The following LIM2 variants were observed in gnomAD, a reference collection of about 807,000 sequenced individuals.
LIM2 encodes lens fiber membrane intrinsic protein.
Under a neutral mutation model 19.0 loss-of-function variants are expected in LIM2, and 14 were observed. The ratio of observed to expected loss-of-function variants is 0.74; its 90% CI spans 0.49 to 1.15. The LOEUF is 1.15. Among genes scored for constraint, LIM2 ranks in the 50% most tolerant of loss-of-function variants. The pLI, the probability that LIM2 is intolerant of heterozygous loss-of-function variation, is 0.00. For missense variants in LIM2, 230 were observed against 243.5 expected (o/e 0.94, Z 0.37); for synonymous variants, 78 against 89.6 (o/e 0.87, Z 0.73).
intron 3 of LIM2, among the ~76,000 whole-genome samples, chr19:51,381,804 C>T (rs866369875): frequency 3.9e-5 from 6 of 152,202 alleles, no homozygotes; most frequent in South Asian, 2.1e-4. Flanking sequence ...CAGCTCACTG[C>T]AAGCTCCGCC....
intron 1 of LIM2, 58 bp downstream of exon 1, chr19:51,387,861 C>T (rs2123677645): frequency 4.3e-6 from 1 of 234,786 alleles, no homozygotes; most frequent in Non-Finnish European, 8.5e-6. Flanking sequence ...GGAGCTGGGA[C>T]CCTAGACTCC....
At chr19:51,387,093 C>T (rs562617264) in intron 2 of LIM2, 176 bp downstream of exon 2, 1 of 1,216,542 alleles carries the variant, frequency 8.2e-7, no homozygotes, top group East Asian at 2.5e-5. Flanking sequence ...GAAACTGCAG[C>T]TAGAAAACAA....
rs532929998 is a variant in LIM2, at chr19:51,383,306, A to G, written c.176-739T>C. ...TGCCTTGGCCTCCCAAAGTGCTGAG[A>G]TTACAGGTGTGAGCCACTGCGCCCA... On this transcript the variant is annotated intron_variant, in intron 2 of 4. Coordinates refer to ENST00000596399, the MANE Select transcript of LIM2 (RefSeq NM_001161748.2). 6.6e-5 allele frequency among the ~76,000 whole-genome samples: 10 copies of G among 152,236 alleles called. No homozygotes were observed. The East Asian group carries it at 1.9e-3, about 29-fold the overall frequency.
intron 2 of LIM2, 97 bp from the exon 3 acceptor site, chr19:51,382,664 C>T (rs1163405230): frequency 1.3e-6 from 2 of 1,517,878 alleles, no homozygotes; most frequent in Non-Finnish European, 1.8e-6. Flanking sequence ...CTTTCCATAT[C>T]CCTAACCCAG....
At chr19:51,387,104 C>A (rs1214402114) in intron 2 of LIM2, 165 bp downstream of exon 2, 1 of 1,320,926 alleles carries the variant, frequency 7.6e-7, no homozygotes, top group East Asian at 2.4e-5. Flanking sequence ...TAGAAAACAA[C>A]CCTGTAGTCC....
Position 51,380,517 on chromosome 19 carries a change from T to C in LIM2, c.448A>G (p.Thr150Ala), listed in dbSNP as rs769544139. 6.2e-7 allele frequency: 1 copy of C among 1,614,030 alleles called. No individual in the cohort carries two copies. The highest frequency in any genetic ancestry group is 1.3e-5 in the African/African-American group (1 of 74,992). ...TTGCCCCCAGTACCTGCGAAGAACG[T>C]CATGAGCACTGCCACCCAGCCCAGG... is the stretch of plus-strand genomic sequence containing the variant. ...YILGWVAVLM[T>A]FFAGIFYMCA... The change falls in exon 4 of 5, where the codon ACG becomes GCG. Residue 150 changes from threonine to alanine, a missense_variant. Thr to Ala is a moderately conservative substitution (Grantham distance 58). Coordinates refer to ENST00000596399, the MANE Select transcript of LIM2 (RefSeq NM_001161748.2).
In LIM2 at chr19:51,382,446, G is replaced by C; in HGVS notation, c.297C>G (p.Phe99Leu). The change falls in exon 3 of 5, where the codon TTC (phenylalanine) becomes TTG (leucine). Residue 99 changes from phenylalanine to leucine, a missense_variant. Phe to Leu is a conservative substitution (Grantham distance 22). Coordinates refer to ENST00000596399, the MANE Select transcript of LIM2 (RefSeq NM_001161748.2). ...QPTFSRISRPFSAGIMFFSST... is the reference protein window; with the variant it reads ...QPTFSRISRPLSAGIMFFSST... ...AGGAAAAAAACATGATGCCAGCAGA[G>C]AAGGGCCGGGAGATGCGGGAGAAGG... 6.2e-7 allele frequency: 1 copy of C among 1,614,002 alleles called. No homozygotes were observed. The highest frequency in any genetic ancestry group is 1.1e-5 in the South Asian group (1 of 91,072).
rs147551022 is a variant in LIM2 at position 51,387,420 on chromosome 19, G to A, written c.24C>T (p.Gly8=). Residue 8 remains glycine, a synonymous_variant, in exon 2 of 5, where the codon GGC becomes GGT. Coordinates refer to ENST00000596399, the MANE Select transcript of LIM2 (RefSeq NM_001161748.2). Reference sequence around the variant, plus strand: ...TGGTCCCCACCCAGGCACAGAACAGGCCACCACCCATGAAGCTGTACATGG... The same window carrying A: ...TGGTCCCCACCCAGGCACAGAACAGACCACCACCCATGAAGCTGTACATGG... The part of the protein sequence containing the change: MYSFMGG[G]LFCAWVGTIL... 33 of 1,614,096 alleles carry A rather than the reference G, an allele frequency of 2.0e-5. No individual in the cohort carries two copies. The East Asian group carries it at 7.1e-4, about 35-fold the overall frequency.
At chr19:51,383,326 C>T (rs11878328) in intron 2 of LIM2, among the ~76,000 whole-genome samples, 2,133 of 152,216 alleles carry the variant, frequency 0.014, 46 homozygotes, top group African/African-American at 0.049. Flanking sequence ...TGAGCCACTG[C>T]GCCCAGCCTA....
chr19:51,385,535 C>T (rs1987016128), intron 2 of LIM2, among the ~76,000 whole-genome samples: 1 of 151,926 alleles, frequency 6.6e-6, no homozygotes, highest in South Asian at 2.1e-4. Flanking sequence ...CAAAACAAAA[C>T]AAAACAAAAA....
intron 2 of LIM2, among the ~76,000 whole-genome samples, chr19:51,385,276 C>T (rs1270342415): frequency 6.6e-6 from 1 of 152,180 alleles, no homozygotes; most frequent in Non-Finnish European, 1.5e-5. Flanking sequence ...AATCCCAGCA[C>T]TTTGGGAGGC....
rs370685026 is a variant in LIM2 at position 51,387,349 on chromosome 19, C to T, written c.95G>A (p.Arg32Gln). 9.3e-6 allele frequency: 15 copies of T among 1,614,178 alleles called. No homozygotes were observed. The highest frequency in any genetic ancestry group is 2.7e-5 in the African/African-American group (2 of 75,060). Residue 32 changes from arginine (R) to glutamine (Q), a missense_variant, in exon 2 of 5, where the codon CGG becomes CAG. Transcript: ENST00000596399. ...CTGGTGGGCGAAGGACCCTGACAGC[C>T]GGTACTGCATCCAGTGGTCTGTTGC... ...AMATDHWMQY[R>Q]LSGSFAHQGL...
rs1422846189 is a variant in LIM2, at chr19:51,380,531, A to G, written c.434T>C (p.Val145Ala). 2 of 1,614,060 alleles carry G rather than the reference A, an allele frequency of 1.2e-6. No homozygotes were observed. The highest frequency in any genetic ancestry group is 4.5e-5 in the East Asian group (2 of 44,874). The change falls in exon 4 of 5, where the codon GTG (valine) becomes GCG (alanine). Residue 145 changes from valine to alanine, a missense_variant. Physicochemically the swap from Val to Ala is moderately conservative, Grantham distance 64 (BLOSUM62 0). Coordinates refer to ENST00000596399, the MANE Select transcript of LIM2 (RefSeq NM_001161748.2). ...RFSWSYILGW[V>A]AVLMTFFAGI... is the part of the protein sequence containing the mutation. The stretch of plus-strand genomic sequence containing the variant: ...TGCGAAGAACGTCATGAGCACTGCC[A>G]CCCAGCCCAGGATGTAGGACCAGGA...
chr19:51,383,626 A>T (rs890618906), intron 2 of LIM2, among the ~76,000 whole-genome samples: 1 of 152,198 alleles, frequency 6.6e-6, no homozygotes, highest in Non-Finnish European at 1.5e-5. Flanking sequence ...TCCTTTAGCA[A>T]CGGCTAACTA....
At chr19:51,380,455 C>A in intron 4 of LIM2, 50 bp downstream of exon 4, 1 of 1,612,636 alleles carries the variant, frequency 6.2e-7, no homozygotes, top group Non-Finnish European at 8.5e-7. Context: ...ACTCTATCTG[C>A]TGCCCACTCT....
chr19:51,383,250 G>A (rs185275515), intron 2 of LIM2, among the ~76,000 whole-genome samples: 17 of 152,088 alleles, frequency 1.1e-4, no homozygotes, highest in African/African-American at 4.1e-4. Flanking sequence ...GGCCAGGCTG[G>A]TCTCAAACTC....
chr19:51,386,355 C>A (rs1406980824), intron 2 of LIM2, among the ~76,000 whole-genome samples: 2 of 150,918 alleles, frequency 1.3e-5, no homozygotes, highest in Admixed American at 6.6e-5. Flanking sequence ...AACTCCTGAC[C>A]TCAGGTGATC....
chr19:51,387,151 G>T, intron 2 of LIM2, 118 bp downstream of exon 2: 1 of 1,595,702 alleles, frequency 6.3e-7, no homozygotes, highest in Non-Finnish European at 8.6e-7. Context: ...ACCTTGGGTT[G>T]CTCCCTTTCC....
In LIM2 at chr19:51,380,169, C is replaced by T. The variant is rs1181316767; in HGVS notation, c.*32G>A. The T allele has an allele frequency of 1.9e-6, 3 of 1,609,696 alleles. No individual in the cohort carries two copies. Among genetic ancestry groups the T allele is most frequent in the Admixed American group, 1.7e-5 (1 of 59,802 alleles). ...CTCCTCTTCAGTGGCCTCACTTTAACTTCCAGATGAAGTTGGGGGACACAT... is the reference window on the plus strand; with the variant it reads ...CTCCTCTTCAGTGGCCTCACTTTAATTTCCAGATGAAGTTGGGGGACACAT... On this transcript the variant is annotated 3_prime_UTR_variant, in exon 5 of 5. Coordinates refer to ENST00000596399, the MANE Select transcript of LIM2 (RefSeq NM_001161748.2).
Sources: allele counts gnomAD v4.1 joint callset (sites outside exome capture counted in the v4.1 genomes callset), GRCh38; gene constraint gnomAD v4.1.1; transcripts MANE v1.5; gene names NCBI Gene and HGNC (gene_info 2026-07-23, HGNC 2026-07-21).